The following LYAR variants were observed in gnomAD, a reference collection of about 807,000 sequenced individuals.
The protein encoded by LYAR is Ly1 antibody reactive.
A neutral mutation model predicts 45.2 loss-of-function variants in LYAR; 37 were observed. The ratio of observed to expected loss-of-function variants is 0.82; its 90% confidence interval spans 0.63 to 1.08. The LOEUF (loss-of-function observed/expected upper bound fraction) is 1.08. Among genes scored for constraint, LYAR ranks in the 50% least tolerant of loss-of-function variants. The probability of loss-of-function intolerance (pLI) is 0.00; values close to 1 mark genes in which losing one functional copy is unlikely to be tolerated. For synonymous variants in LYAR, 176 were observed against 155.1 expected, an observed-to-expected ratio of 1.14 and a Z score of -1.00; for missense variants, 493 against 451.0, an observed-to-expected ratio of 1.09 and a Z score of -0.84.
rs781190481 is a variant in LYAR, at chr4:4,274,583, GTTCT to G, written c.612_615del (p.Lys204AsnfsTer2). The stretch of plus-strand genomic sequence containing the variant: ...TTTTCCTGGTGGTTTTCTAACTTTA[GTTCT>G]TTCTTTTCTCTTTTCCTTTTCTTCT... On this transcript the variant is annotated frameshift_variant, in exon 7 of 10. Transcript: ENST00000343470. LOFTEE classifies it high-confidence loss of function. The G allele has an allele frequency of 6.2e-6, 10 of 1,613,492 alleles. No individual in the cohort carries two copies. The highest frequency in any genetic ancestry group is 5.9e-6 in the Non-Finnish European group (7 of 1,179,918).
intron 1 of LYAR, among the ~76,000 whole-genome samples, chr4:4,288,674 C>T (rs1022628028): frequency 7.9e-5 from 12 of 152,030 alleles, no homozygotes; most frequent in Admixed American, 5.9e-4. Flanking sequence ...TTAGTAGAGA[C>T]GGAGTTTCAC....
intron 8 of LYAR, among the ~76,000 whole-genome samples, chr4:4,269,395 A>C (rs1044681051): frequency 2.6e-5 from 4 of 152,154 alleles, no homozygotes; most frequent in Non-Finnish European, 5.9e-5. Context: ...CACCCGCACC[A>C]GCAAAAGCCG....
chr4:4,278,811 A>G (rs1177724692), intron 6 of LYAR, among the ~76,000 whole-genome samples: 1 of 152,252 alleles, frequency 6.6e-6, no homozygotes, highest in Non-Finnish European at 1.5e-5. Flanking sequence ...CAAACTGCAC[A>G]GCAGGGATTT....
chr4:4,282,235 A>T (rs997652079), intron 3 of LYAR, among the ~76,000 whole-genome samples: 1 of 152,324 alleles, frequency 6.6e-6, no homozygotes. Context: ...TAGTTTTTTT[A>T]AATTATAAAA....
rs780716205 is a variant in LYAR, at chr4:4,274,578, C to T, written c.621G>A (p.Lys207=). 1.2e-6 allele frequency: 2 copies of T among 1,613,592 alleles called. No homozygotes were observed. The highest frequency in any genetic ancestry group is 1.7e-6 in the Non-Finnish European group (2 of 1,179,938). The change falls in exon 7 of 10, where the codon AAG becomes AAA. Residue 207 remains lysine, a synonymous_variant. Transcript: ENST00000343470. ...TTGAGTTTTCCTGGTGGTTTTCTAA[C>T]TTTAGTTCTTTCTTTTCTCTTTTCC... ...KKRKREKKEL[K]LENHQENSRN...
At position 4,279,478 on chromosome 4, in the gene LYAR, A is replaced by C. The variant is rs768084683; in HGVS notation, c.398T>G (p.Val133Gly). The change falls in exon 6 of 10, where the codon GTG becomes GGG. Residue 133 changes from valine (V) to glycine (G), a missense_variant. Coordinates refer to ENST00000343470, the MANE Select transcript of LYAR (RefSeq NM_017816.3). ...GGAAGCTTCAGAAAAGATATTCCAC[A>C]CCTGGTCCAGAATGGATTCATTATG... ...KVHNESILDQ[V>G]WNIFSEASNS... The C allele has an allele frequency of 6.2e-7, 1 of 1,613,254 alleles. No homozygotes were observed. The highest frequency in any genetic ancestry group is 8.5e-7 in the Non-Finnish European group (1 of 1,179,276).
intron 7 of LYAR, 72 bp downstream of exon 7, chr4:4,274,295 A>T: frequency 6.6e-7 from 1 of 1,516,250 alleles, no homozygotes; most frequent in Non-Finnish European, 8.9e-7. Context: ...TAGGTCTAAC[A>T]GGCTTAAATA....
intron 5 of LYAR, 52 bp downstream of exon 5, chr4:4,279,590 C>T: frequency 1.3e-6 from 2 of 1,563,780 alleles, no homozygotes; most frequent in East Asian, 2.2e-5. Flanking sequence ...CACACAAGCT[C>T]AGTCACTGAT....
chr4:4,281,852 C>T lies in LYAR; in HGVS notation c.168G>A (p.Gln56=). ...KNHVKCISED[Q]KYGGKGYEGK... ...CTTCATAGCCTTTGCCACCATACTT[C>T]TGATCTTCACTTATGCATTTCACGT... Residue 56 remains glutamine (Q), a synonymous_variant, in exon 4 of 10, where the codon CAG becomes CAA. Transcript: ENST00000343470. 1 of 1,614,176 alleles carries T rather than the reference C, an allele frequency of 6.2e-7. No individual in the cohort carries two copies. The highest frequency in any genetic ancestry group is 8.5e-7 in the Non-Finnish European group (1 of 1,180,008).
chr4:4,273,187 A>G (rs1447025423), intron 8 of LYAR, among the ~76,000 whole-genome samples: 1 of 152,216 alleles, frequency 6.6e-6, no homozygotes, highest in East Asian at 1.9e-4. Context: ...CAAAGATAAC[A>G]TACATTTCCA....
intron 1 of LYAR, among the ~76,000 whole-genome samples, chr4:4,286,824 T>C (rs1179809681): frequency 6.6e-6 from 1 of 152,004 alleles, no homozygotes; most frequent in East Asian, 1.9e-4. Context: ...TTTTTTGTAT[T>C]TTTTAGTAGA....
chr4:4,280,460 A>G (rs1287736602), intron 4 of LYAR, among the ~76,000 whole-genome samples: 1 of 152,236 alleles, frequency 6.6e-6, no homozygotes, highest in Non-Finnish European at 1.5e-5. Context: ...AAAGATACCA[A>G]ATAGCCAAAA....
At position 4,274,671 on chromosome 4, in the gene LYAR, G is replaced by T. The variant is rs370221733; in HGVS notation, c.528C>A (p.Asp176Glu). The change falls in exon 7 of 10, where the codon GAC becomes GAA. Residue 176 changes from aspartate to glutamate, a missense_variant. By Grantham distance (45) the Asp-to-Glu change is conservative. Coordinates refer to ENST00000343470, the MANE Select transcript of LYAR (RefSeq NM_017816.3). ...TCACCTCCCCTTGCTGTTCCACGGC[G>T]TCTTTCACTTTGGAGGCTGGAACCT... Reference protein sequence around the residue: ...STKVPASKVKDAVEQQGEVKK... With the variant: ...STKVPASKVKEAVEQQGEVKK... The T allele has an allele frequency of 1.2e-5, 20 of 1,613,504 alleles. No individual in the cohort carries two copies. In the African/African-American group the frequency reaches 1.5e-4, roughly 12 times the overall value.
intron 8 of LYAR, among the ~76,000 whole-genome samples, chr4:4,271,736 A>C (rs992903148): frequency 1.3e-5 from 2 of 152,256 alleles, no homozygotes; most frequent in African/African-American, 4.8e-5. Context: ...ATGACACAGC[A>C]TTGAACATTC....
intron 8 of LYAR, 125 bp downstream of exon 8, chr4:4,273,458 G>C: frequency 1.5e-6 from 1 of 655,414 alleles, no homozygotes; most frequent in Non-Finnish European, 2.7e-6. Flanking sequence ...GTACGCCCAT[G>C]GCTCACTACA....
chr4:4,276,545 A>G (rs1387501071), intron 6 of LYAR, among the ~76,000 whole-genome samples: 1 of 35,292 alleles, frequency 2.8e-5, no homozygotes, highest in South Asian at 2.5e-3. Flanking sequence ...CTCTGTCTCA[A>G]AAAAAAAAAA....
intron 8 of LYAR, among the ~76,000 whole-genome samples, chr4:4,269,709 A>G (rs545976877): frequency 6.6e-6 from 1 of 152,308 alleles, no homozygotes; most frequent in South Asian, 2.1e-4. Flanking sequence ...GAAAGCGTAA[A>G]CAGGATCTCA....
intron 4 of LYAR, among the ~76,000 whole-genome samples, chr4:4,281,237 C>T (rs7666796): frequency 0.43 from 65,397 of 151,814 alleles, 16,050 homozygotes; most frequent in African/African-American, 0.66. Context: ...AATTCTAAAA[C>T]TTTTTTTTCA....
intron 1 of LYAR, among the ~76,000 whole-genome samples, chr4:4,287,294 T>G (rs1719655776): frequency 6.6e-6 from 1 of 152,208 alleles, no homozygotes. Flanking sequence ...GAGAGCATAC[T>G]TCGGTTCTTG....
Sources: allele counts gnomAD v4.1 joint callset (sites outside exome capture counted in the v4.1 genomes callset), GRCh38; gene constraint gnomAD v4.1.1; transcripts MANE v1.5; gene names NCBI Gene and HGNC (gene_info 2026-07-23, HGNC 2026-07-21).